Variants in LRRC3B observed in about 807,000 individuals in gnomAD.
LRRC3B encodes leucine rich repeat containing 3B, also known as leucine-rich repeat-containing protein 3B.
A neutral mutation model predicts 12.8 loss-of-function variants in LRRC3B; 2 were observed. That is an observed-to-expected ratio of 0.16 (90% confidence interval 0.06 to 0.49). The LOEUF is 0.49. LRRC3B is among the 20% of genes least tolerant of loss of function. The probability of loss-of-function intolerance (pLI) is 0.96; values close to 1 mark genes in which losing one functional copy is unlikely to be tolerated. For missense variants in LRRC3B, 189 were observed against 319.4 expected (o/e 0.59, Z 3.11); for synonymous variants, 132 against 122.0 (o/e 1.08, Z -0.54).
intron 1 of LRRC3B, among the ~76,000 whole-genome samples, chr3:26,632,808 A>G (rs534781958): frequency 1.3e-5 from 2 of 152,036 alleles, no homozygotes; most frequent in African/African-American, 4.8e-5. Flanking sequence ...GTCCTTTGTC[A>G]CCTGGCTGTT....
intron 1 of LRRC3B, among the ~76,000 whole-genome samples, chr3:26,676,744 A>G (rs762917799): frequency 2.0e-5 from 3 of 152,158 alleles, no homozygotes; most frequent in Non-Finnish European, 4.4e-5. Context: ...ACGGGTATAT[A>G]CCCAAAGGAT....
chr3:26,656,993 A>G (rs531856363), intron 1 of LRRC3B, among the ~76,000 whole-genome samples: 1 of 152,152 alleles, frequency 6.6e-6, no homozygotes, highest in African/African-American at 2.4e-5. Context: ...AGATGCAAAA[A>G]CTTTTTCTAT....
intron 1 of LRRC3B, among the ~76,000 whole-genome samples, chr3:26,709,161 A>G (rs1337724124): frequency 6.6e-6 from 1 of 152,198 alleles, no homozygotes; most frequent in East Asian, 1.9e-4. Flanking sequence ...TGCATCTGTT[A>G]TCTCAGAAAG....
chr3:26,686,127 G>A (rs562221769), intron 1 of LRRC3B, among the ~76,000 whole-genome samples: 10 of 151,544 alleles, frequency 6.6e-5, no homozygotes, highest in East Asian at 2.0e-4. Flanking sequence ...TCACCCAGGC[G>A]GGAGTGCAGT....
intron 1 of LRRC3B, among the ~76,000 whole-genome samples, chr3:26,665,890 A>T (rs1403010757): frequency 2.0e-5 from 3 of 152,208 alleles, no homozygotes; most frequent in Non-Finnish European, 2.9e-5. Flanking sequence ...GTTCTTTGAA[A>T]TAAATATAAG....
At chr3:26,695,309 C>T (rs1488130706) in intron 1 of LRRC3B, among the ~76,000 whole-genome samples, 1 of 152,156 alleles carries the variant, frequency 6.6e-6, no homozygotes, top group Non-Finnish European at 1.5e-5. Flanking sequence ...GGGGGGACCA[C>T]GAGGTCAGGA....
chr3:26,668,022 A>C (rs916357653), intron 1 of LRRC3B, among the ~76,000 whole-genome samples: 1 of 152,004 alleles, frequency 6.6e-6, no homozygotes, highest in Non-Finnish European at 1.5e-5. Flanking sequence ...TAATTTTTGC[A>C]TAAGTAATGT....
intron 1 of LRRC3B, among the ~76,000 whole-genome samples, chr3:26,704,806 C>T (rs888176577): frequency 2.6e-5 from 4 of 152,036 alleles, no homozygotes; most frequent in Admixed American, 6.6e-5. Context: ...TTGCTTATGA[C>T]CTTAACTTTT....
At chr3:26,642,088 C>T (rs1354614256) in intron 1 of LRRC3B, among the ~76,000 whole-genome samples, 1 of 152,234 alleles carries the variant, frequency 6.6e-6, no homozygotes, top group Non-Finnish European at 1.5e-5. Context: ...TTCTGCACGT[C>T]TCCTTCATGT....
At chr3:26,650,171 G>A (rs1699237459) in intron 1 of LRRC3B, among the ~76,000 whole-genome samples, 1 of 152,088 alleles carries the variant, frequency 6.6e-6, no homozygotes, top group East Asian at 1.9e-4. Flanking sequence ...TCCACTTACT[G>A]CCTACCTTGT....
intron 1 of LRRC3B, among the ~76,000 whole-genome samples, chr3:26,656,538 G>A (rs1327366188): frequency 6.6e-6 from 1 of 152,190 alleles, no homozygotes; most frequent in African/African-American, 2.4e-5. Context: ...GAAAAGACAT[G>A]AATTTTTTGC....
At chr3:26,701,279 A>G (rs1487953478) in intron 1 of LRRC3B, 1 of 151,974 alleles carries the variant, frequency 6.6e-6, no homozygotes, top group Non-Finnish European at 1.5e-5. Context: ...TCTGCCTTCC[A>G]TTCCACTCCA....
intron 1 of LRRC3B, among the ~76,000 whole-genome samples, chr3:26,671,077 G>A (rs1350461810): frequency 2.3e-5 from 3 of 133,322 alleles, no homozygotes; most frequent in Admixed American, 7.6e-5. Flanking sequence ...GTGCAGTGGC[G>A]GGATCTCGGC....
At chr3:26,654,337 C>T (rs896644052) in intron 1 of LRRC3B, among the ~76,000 whole-genome samples, 2 of 152,140 alleles carry the variant, frequency 1.3e-5, no homozygotes, top group African/African-American at 4.8e-5. Flanking sequence ...TTGCTGCATG[C>T]TAGAATCTCT....
chr3:26,691,375 A>G (rs1700191420), intron 1 of LRRC3B, among the ~76,000 whole-genome samples: 1 of 151,836 alleles, frequency 6.6e-6, no homozygotes, highest in Admixed American at 6.6e-5. Flanking sequence ...GGAAAAGAAA[A>G]ATGATGAGAT....
chr3:26,627,381 C>A (rs529712591), intron 1 of LRRC3B, among the ~76,000 whole-genome samples: 5 of 152,176 alleles, frequency 3.3e-5, no homozygotes, highest in South Asian at 4.2e-4. Flanking sequence ...AAACCTGGTG[C>A]CTTTTAGGTC....
At chr3:26,684,689 C>CAAAGAT (rs1436350681) in intron 1 of LRRC3B, among the ~76,000 whole-genome samples, 1 of 152,204 alleles carries the variant, frequency 6.6e-6, no homozygotes, top group Non-Finnish European at 1.5e-5. Context: ...CCCAGGAGGG[C>CAAAGAT]AAAGCCCTCA....
At chr3:26,662,264 T>C (rs771413914) in intron 1 of LRRC3B, among the ~76,000 whole-genome samples, 30 of 152,282 alleles carry the variant, frequency 2.0e-4, no homozygotes, top group Admixed American at 2.6e-4. Context: ...CATGCCCAAC[T>C]TGTGCTCCAC....
At chr3:26,648,038 A>T (rs1248856216) in intron 1 of LRRC3B, among the ~76,000 whole-genome samples, 1 of 151,800 alleles carries the variant, frequency 6.6e-6, no homozygotes, top group Non-Finnish European at 1.5e-5. Flanking sequence ...GACAGAACTG[A>T]TGAGGAAGGA....
Sources: allele counts gnomAD v4.1 joint callset (sites outside exome capture counted in the v4.1 genomes callset), GRCh38; gene constraint gnomAD v4.1.1; transcripts MANE v1.5; gene names NCBI Gene and HGNC (gene_info 2026-07-23, HGNC 2026-07-21).